The following SIPA1L1 variants were observed in gnomAD, a reference collection of about 807,000 sequenced individuals.
SIPA1L1 encodes the protein signal-induced proliferation-associated 1-like protein 1.
Under a neutral mutation model 162.7 loss-of-function variants are expected in SIPA1L1, and 26 were observed. The observed-to-expected ratio is 0.16, with a 90% CI of 0.12 to 0.22. The LOEUF is 0.22. Ranked by LOEUF, SIPA1L1 falls within the 10% of genes least tolerant of loss-of-function variation. SIPA1L1 has a pLI of 1.00. For missense variants in SIPA1L1, 1,874 were observed against 2,241.0 expected, an observed-to-expected ratio of 0.84 and a Z score of 3.31; for synonymous variants, 829 against 837.4, an observed-to-expected ratio of 0.99 and a Z score of 0.17.
At chr14:71,350,547 G>A (rs543495436) in intron 2 of SIPA1L1, among the ~76,000 whole-genome samples, 3 of 152,230 alleles carry the variant, frequency 2.0e-5, no homozygotes, top group African/African-American at 7.2e-5. Flanking sequence ...GCCTAGGGGA[G>A]CCCTGGAAAG....
intron 5 of SIPA1L1, among the ~76,000 whole-genome samples, chr14:71,612,103 C>T (rs964651813): frequency 1.3e-5 from 2 of 152,158 alleles, no homozygotes; most frequent in Non-Finnish European, 1.5e-5. Context: ...CTGCTTATTA[C>T]TTGTATATTT....
At chr14:71,330,726 C>A in intron 2 of SIPA1L1, 1 of 861,896 alleles carries the variant, frequency 1.2e-6, no homozygotes, top group Non-Finnish European at 2.0e-6. Context: ...GGAAAACCAC[C>A]GGGTAGTCAT....
Position 71,699,827 on chromosome 14 carries a change from C to G in SIPA1L1, c.3521+700C>G, listed in dbSNP as rs181021395. Among the ~76,000 whole-genome samples the G allele has an allele frequency of 1.3e-4, 20 of 152,276 alleles. 1 individual carries two copies. The highest frequency in any genetic ancestry group is 4.4e-5 in the Non-Finnish European group (3 of 68,016). Reference sequence around the variant, plus strand: ...AGATATTTCAAAGCTGTCAGCCTGCCCTGGAAAGAACTGGATGGCCTCATG... The same window carrying G: ...AGATATTTCAAAGCTGTCAGCCTGCGCTGGAAAGAACTGGATGGCCTCATG... On this transcript the variant is annotated intron_variant, in intron 14 of 23. Transcript: ENST00000381232.
rs545456213 is a variant in SIPA1L1, at chr14:71,498,176, C to A, written c.-464-14567C>A. 5.9e-5 allele frequency among the ~76,000 whole-genome samples: 9 copies of A among 152,234 alleles called. No homozygotes were observed. In the South Asian group the frequency reaches 1.7e-3, roughly 28 times the overall value. On this transcript the variant is annotated intron_variant, in intron 2 of 23. Transcript: ENST00000381232. ...TTAAGCTTTAAATTTGCTATGTTAACCTTTTCTGAGAAATCTTATTTTAGG... is the reference window on the plus strand; with the variant it reads ...TTAAGCTTTAAATTTGCTATGTTAAACTTTTCTGAGAAATCTTATTTTAGG...
chr14:71,544,260 A>G (rs563913650), intron 4 of SIPA1L1, among the ~76,000 whole-genome samples: 2 of 106,502 alleles, frequency 1.9e-5, no homozygotes, highest in South Asian at 5.5e-4. Flanking sequence ...GTATATACAC[A>G]TGATATGTGT....
intron 2 of SIPA1L1, among the ~76,000 whole-genome samples, chr14:71,505,699 G>A (rs2050606947): frequency 6.6e-6 from 1 of 151,916 alleles, no homozygotes; most frequent in Admixed American, 6.6e-5. Flanking sequence ...TTGGAAATTT[G>A]AAGTGCTTTA....
At chr14:71,605,944 A>G (rs1008566082) in intron 5 of SIPA1L1, among the ~76,000 whole-genome samples, 9 of 152,154 alleles carry the variant, frequency 5.9e-5, no homozygotes, top group Non-Finnish European at 1.3e-4. Context: ...TAGGGGTGAT[A>G]GCAGTAACAG....
intron 2 of SIPA1L1, among the ~76,000 whole-genome samples, chr14:71,438,784 A>C (rs1376969752): frequency 6.6e-6 from 1 of 152,184 alleles, no homozygotes; most frequent in African/African-American, 2.4e-5. Flanking sequence ...TAAGCCACCA[A>C]GTAACTATTA....
At chr14:71,679,792 G>A (rs1772399850) in intron 12 of SIPA1L1, among the ~76,000 whole-genome samples, 1 of 152,106 alleles carries the variant, frequency 6.6e-6, no homozygotes, top group African/African-American at 2.4e-5. Context: ...CCTAGTCTCT[G>A]ATAAAACAGA....
At chr14:71,457,160 T>C (rs769512857) in intron 2 of SIPA1L1, among the ~76,000 whole-genome samples, 22 of 152,206 alleles carry the variant, frequency 1.4e-4, no homozygotes, top group Non-Finnish European at 2.2e-4. Context: ...TCCTGCCTTC[T>C]TCAAATAGTC....
intron 22 of SIPA1L1, 75 bp from the exon 23 acceptor site, chr14:71,738,166 A>T: frequency 1.9e-6 from 1 of 513,920 alleles, no homozygotes; most frequent in Non-Finnish European, 3.0e-6. Flanking sequence ...CAGAGTAAAA[A>T]AAAAAAAAAA....
At chr14:71,445,670 T>C (rs554935665) in intron 2 of SIPA1L1, among the ~76,000 whole-genome samples, 9 of 152,316 alleles carry the variant, frequency 5.9e-5, no homozygotes, top group African/African-American at 2.2e-4. Context: ...TGTAAATATT[T>C]CCAACATTTG....
At chr14:71,501,745 G>C (rs2050232262) in intron 2 of SIPA1L1, among the ~76,000 whole-genome samples, 2 of 152,036 alleles carry the variant, frequency 1.3e-5, no homozygotes, top group East Asian at 3.9e-4. Context: ...TTGAAGTCTG[G>C]GCACAGTGGC....
intron 13 of SIPA1L1, among the ~76,000 whole-genome samples, chr14:71,691,989 A>G (rs1055187100): frequency 1.3e-5 from 2 of 152,228 alleles, no homozygotes; most frequent in African/African-American, 2.4e-5. Context: ...AGACTCTGGC[A>G]TTTAATAGGC....
chr14:71,403,619 A>G (rs2041834658), intron 2 of SIPA1L1, among the ~76,000 whole-genome samples: 1 of 151,938 alleles, frequency 6.6e-6, no homozygotes. Context: ...AAAAAAAAAA[A>G]AAAAATCTTA....
chr14:71,694,194 G>A (rs1566668600), intron 13 of SIPA1L1, among the ~76,000 whole-genome samples: 1 of 152,068 alleles, frequency 6.6e-6, no homozygotes, highest in Non-Finnish European at 1.5e-5. Flanking sequence ...AATAGGTGTG[G>A]TGGAGGACAG....
chr14:71,558,881 G>T (rs2056562004), intron 4 of SIPA1L1, among the ~76,000 whole-genome samples: 1 of 152,004 alleles, frequency 6.6e-6, no homozygotes, highest in South Asian at 2.1e-4. Context: ...ACACGGTCTT[G>T]CTGTATTGCC....
In SIPA1L1 at chr14:71,642,850, G is replaced by C. The variant is rs559936220; in HGVS notation, c.1819-7485G>C. 2.0e-5 allele frequency among the ~76,000 whole-genome samples: 3 copies of C among 152,040 alleles called. No individual in the cohort carries two copies. In the East Asian group the frequency reaches 5.8e-4, roughly 29 times the overall value. ...GAAAAAGAAAAGCTTTGTATTTATGGATATGAAAGCTACAATATCTGAGTT... is the reference window on the plus strand; with the variant it reads ...GAAAAAGAAAAGCTTTGTATTTATGCATATGAAAGCTACAATATCTGAGTT... On this transcript the variant is annotated intron_variant, in intron 7 of 23. Coordinates refer to ENST00000381232, the MANE Select transcript of SIPA1L1 (RefSeq NM_001386936.1).
At chr14:71,338,763 A>G (rs1293509582) in intron 2 of SIPA1L1, among the ~76,000 whole-genome samples, 1 of 152,030 alleles carries the variant, frequency 6.6e-6, no homozygotes, top group African/African-American at 2.4e-5. Flanking sequence ...TTTTTGAGAC[A>G]GAGTCTCACT....
Sources: allele counts gnomAD v4.1 joint callset (sites outside exome capture counted in the v4.1 genomes callset), GRCh38; gene constraint gnomAD v4.1.1; transcripts MANE v1.5; gene names NCBI Gene and HGNC (gene_info 2026-07-23, HGNC 2026-07-21).